Variants in TBC1D22A observed in about 807,000 individuals in gnomAD.
TBC1D22A encodes TBC1 domain family member 22A.
TBC1D22A carries 38 observed loss-of-function variants against 60.2 expected under a neutral mutation model. The observed-to-expected ratio is 0.63, with a 90% confidence interval of 0.49 to 0.83. The LOEUF (loss-of-function observed/expected upper bound fraction) is 0.83, where lower values mean the gene tolerates loss of function less well. TBC1D22A is among the 40% of genes least tolerant of loss of function. The pLI, the probability that TBC1D22A is intolerant of heterozygous loss-of-function variation, is 0.00. For missense variants in TBC1D22A, 628 were observed against 701.0 expected, an observed-to-expected ratio of 0.90 and a Z score of 1.18; for synonymous variants, 302 against 281.7, an observed-to-expected ratio of 1.07 and a Z score of -0.72.
At chr22:47,001,438 C>CT (rs2061409001) in intron 10 of TBC1D22A, among the ~76,000 whole-genome samples, 1 of 124,974 alleles carries the variant, frequency 8.0e-6, no homozygotes, top group Non-Finnish European at 1.6e-5. Context: ...GAGTGAAACT[C>CT]TATCTCAAAA....
intron 4 of TBC1D22A, among the ~76,000 whole-genome samples, chr22:46,865,248 A>G (rs1236168944): frequency 6.6e-6 from 1 of 152,152 alleles, no homozygotes; most frequent in Non-Finnish European, 1.5e-5. Context: ...GGATGGGTGC[A>G]CCATACTAAG....
chr22:46,787,840 C>T lies in TBC1D22A; in HGVS notation c.63-4680C>T, dbSNP rs534249611. On this transcript the variant is annotated intron_variant, in intron 1 of 12. Transcript: ENST00000337137. ...ATGTTGGAATTTGGGGGAAGTGAAT[C>T]TCTGGGTGGTGTCTGTGTGGTTATT... Among the ~76,000 whole-genome samples, 6 of 151,696 alleles carry T rather than the reference C, an allele frequency of 4.0e-5. No homozygotes were observed. The South Asian group carries it at 1.2e-3, about 32-fold the overall frequency.
intron 7 of TBC1D22A, among the ~76,000 whole-genome samples, chr22:46,897,640 G>GTTTTTTTGTTTTTTTTTTTTTTTT (rs1569189469): frequency 1.8e-5 from 2 of 108,380 alleles, no homozygotes; most frequent in African/African-American, 4.2e-5. Context: ...GTTTCGTTTT[G>GTTTTTTTGTTTTTTTTTTTTTTTT]TTTTTTTTTG....
intron 11 of TBC1D22A, among the ~76,000 whole-genome samples, chr22:47,075,177 C>T (rs1279938252): frequency 6.8e-6 from 1 of 146,750 alleles, no homozygotes; most frequent in Non-Finnish European, 1.5e-5. Context: ...GAGACGAGAT[C>T]ACACCACTGC....
chr22:47,096,620 G>C (rs1201286800), intron 11 of TBC1D22A, among the ~76,000 whole-genome samples: 1 of 152,152 alleles, frequency 6.6e-6, no homozygotes, highest in South Asian at 2.1e-4. Context: ...CCAGGAGTTT[G>C]AGACCAGCCT....
At chr22:46,975,445 C>T (rs954470343) in intron 9 of TBC1D22A, among the ~76,000 whole-genome samples, 2 of 152,000 alleles carry the variant, frequency 1.3e-5, no homozygotes, top group South Asian at 4.2e-4. Context: ...TTCTGAGGGA[C>T]CAAACACCAA....
intron 11 of TBC1D22A, among the ~76,000 whole-genome samples, chr22:47,039,557 A>T (rs1017357689): frequency 6.6e-5 from 10 of 152,170 alleles, no homozygotes; most frequent in Admixed American, 4.6e-4. Flanking sequence ...TGAACTAGAT[A>T]GTATATAAAA....
intron 4 of TBC1D22A, among the ~76,000 whole-genome samples, chr22:46,808,913 T>C (rs1323363204): frequency 6.6e-6 from 1 of 152,206 alleles, no homozygotes; most frequent in Non-Finnish European, 1.5e-5. Flanking sequence ...TTTTGAGGTA[T>C]TCATATAAAC....
At chr22:46,820,534 T>G (rs914493000) in intron 4 of TBC1D22A, among the ~76,000 whole-genome samples, 3 of 152,222 alleles carry the variant, frequency 2.0e-5, no homozygotes, top group Non-Finnish European at 4.4e-5. Context: ...TTCCATGAAA[T>G]TATGTGATTT....
intron 10 of TBC1D22A, among the ~76,000 whole-genome samples, chr22:47,008,915 G>A (rs943594371): frequency 3.3e-5 from 5 of 152,202 alleles, no homozygotes. Context: ...AAAATGCCAG[G>A]CCAGGAGCAA....
intron 8 of TBC1D22A, among the ~76,000 whole-genome samples, chr22:46,971,999 G>A (rs1465871244): frequency 6.6e-6 from 1 of 152,222 alleles, no homozygotes; most frequent in Non-Finnish European, 1.5e-5. Flanking sequence ...CGGCTGGGAG[G>A]AGGGTCAGGG....
At chr22:46,807,381 C>T (rs2085195000) in intron 4 of TBC1D22A, among the ~76,000 whole-genome samples, 1 of 152,080 alleles carries the variant, frequency 6.6e-6, no homozygotes, top group Admixed American at 6.5e-5. Context: ...CCTGTCAGCC[C>T]GTGCTGAGGA....
chr22:46,997,195 C>T (rs995428151), intron 9 of TBC1D22A, among the ~76,000 whole-genome samples: 2 of 152,246 alleles, frequency 1.3e-5, no homozygotes, highest in East Asian at 1.9e-4. Context: ...ACTGTGGCCA[C>T]GATGATGGTG....
chr22:47,047,048 T>C lies in TBC1D22A; in HGVS notation c.1329+9850T>C, dbSNP rs568223580. Among the ~76,000 whole-genome samples, 12 of 152,390 alleles carry C rather than the reference T, an allele frequency of 7.9e-5. 1 individual carries two copies. The South Asian group carries it at 2.5e-3, about 32-fold the overall frequency. ...CCTTAAGCAACTTGTCTAACTGCTT[T>C]AGGCCTGTTGTGGGACGAAGCCCCA... On this transcript the variant is annotated intron_variant, in intron 11 of 12. Transcript: ENST00000337137.
chr22:46,840,179 TA>T (rs1476209517), intron 4 of TBC1D22A, among the ~76,000 whole-genome samples: 1 of 152,094 alleles, frequency 6.6e-6, no homozygotes, highest in Non-Finnish European at 1.5e-5. Context: ...TATAAGAAAA[TA>T]TTTGCAAACT....
chr22:46,825,112 C>T (rs2085994760), intron 4 of TBC1D22A, among the ~76,000 whole-genome samples: 1 of 152,102 alleles, frequency 6.6e-6, no homozygotes, highest in African/African-American at 2.4e-5. Flanking sequence ...TCCCTTAACG[C>T]AAGGCATTTG....
intron 8 of TBC1D22A, among the ~76,000 whole-genome samples, chr22:46,935,768 C>T (rs1208109925): frequency 6.6e-6 from 1 of 152,138 alleles, no homozygotes; most frequent in East Asian, 1.9e-4. Flanking sequence ...GTCGCGCTGT[C>T]TCCTGGGCCC....
intron 12 of TBC1D22A, among the ~76,000 whole-genome samples, chr22:47,172,793 C>T (rs944716730): frequency 1.3e-5 from 2 of 152,212 alleles, no homozygotes; most frequent in Non-Finnish European, 2.9e-5. Context: ...AGACCTGAAG[C>T]TGGGTTTGGT....
At chr22:46,786,188 T>G (rs2084152337) in intron 1 of TBC1D22A, among the ~76,000 whole-genome samples, 1 of 152,230 alleles carries the variant, frequency 6.6e-6, no homozygotes, top group Non-Finnish European at 1.5e-5. Flanking sequence ...AGATTACCTT[T>G]AATTCCTAGT....
Sources: allele counts gnomAD v4.1 joint callset (sites outside exome capture counted in the v4.1 genomes callset), GRCh38; gene constraint gnomAD v4.1.1; transcripts MANE v1.5; gene names NCBI Gene and HGNC (gene_info 2026-07-23, HGNC 2026-07-21).